Variants in COL11A1 observed in about 807,000 individuals in gnomAD.
The protein encoded by COL11A1 is collagen alpha-1(XI) chain.
COL11A1 carries 74 observed loss-of-function variants against 265.2 expected under a neutral mutation model. The observed-to-expected ratio is 0.28, with a 90% confidence interval of 0.23 to 0.34. The LOEUF (loss-of-function observed/expected upper bound fraction) is 0.34, where lower values mean the gene tolerates loss of function less well. Among genes scored for constraint, COL11A1 ranks in the 10% least tolerant of loss-of-function variants. The pLI is 1.00. For synonymous variants in COL11A1, 816 were observed against 727.6 expected (o/e 1.12, Z -1.96); for missense variants, 2,165 against 2,263.6 (o/e 0.96, Z 0.88).
At chr1:103,015,056 C>A (rs2101901729) in intron 12 of COL11A1, among the ~76,000 whole-genome samples, 1 of 152,104 alleles carries the variant, frequency 6.6e-6, no homozygotes, top group African/African-American at 2.4e-5. Context: ...TTCACCCATT[C>A]TTAAGTACTT....
intron 38 of COL11A1, among the ~76,000 whole-genome samples, chr1:102,963,133 T>C (rs1281021823): frequency 1.3e-5 from 2 of 152,176 alleles, no homozygotes; most frequent in Admixed American, 6.5e-5. Context: ...ATCAGCTTAG[T>C]AGTAAAGAGG....
intron 58 of COL11A1, 23 bp downstream of exon 58, chr1:102,890,428 A>G (rs1306366570): frequency 6.3e-7 from 1 of 1,592,490 alleles, no homozygotes; most frequent in African/African-American, 1.3e-5. Context: ...TCTTTTATTA[A>G]TAACACATTC....
At chr1:103,028,928 A>AT (rs1667770782) in intron 5 of COL11A1, among the ~76,000 whole-genome samples, 1 of 152,112 alleles carries the variant, frequency 6.6e-6, no homozygotes, top group Admixed American at 6.5e-5. Context: ...CTTGATAAGA[A>AT]AATCCCAACT....
chr1:103,102,142 C>T (rs1218226627), intron 1 of COL11A1, among the ~76,000 whole-genome samples: 1 of 151,944 alleles, frequency 6.6e-6, no homozygotes, highest in Non-Finnish European at 1.5e-5. Flanking sequence ...AAAGAATACA[C>T]TTACCTATAT....
intron 7 of COL11A1, 34 bp downstream of exon 7, chr1:103,025,487 G>T: frequency 7.3e-7 from 1 of 1,364,640 alleles, no homozygotes; most frequent in Non-Finnish European, 1.0e-6. Flanking sequence ...TTTAAAAAGT[G>T]GGACTGTGAT....
chr1:102,997,160 A>T, intron 25 of COL11A1, 36 bp from the exon 26 acceptor site: 1 of 1,503,252 alleles, frequency 6.7e-7, no homozygotes, highest in African/African-American at 1.4e-5. Flanking sequence ...ATAAGATGTA[A>T]TATAAACATA....
At chr1:103,080,093 A>G (rs1672285219) in intron 2 of COL11A1, among the ~76,000 whole-genome samples, 1 of 151,960 alleles carries the variant, frequency 6.6e-6, no homozygotes, top group Non-Finnish European at 1.5e-5. Flanking sequence ...TATGTATGGT[A>G]TGTAATAGAA....
chr1:102,889,387 G>GTGTGTGTGTT lies in COL11A1; in HGVS notation c.4464+67_4464+68insAACACACACA, dbSNP rs1651445674. 4.2e-5 allele frequency: 37 copies of GTGTGTGTGTT among 881,166 alleles called. No individual in the cohort carries two copies. The South Asian group carries it at 5.0e-4, about 12-fold the overall frequency. 54.6% of individuals were successfully genotyped at this position (881,166 alleles called of 1,614,324 possible). A position where few individuals can be genotyped will look rare whatever the true frequency, so the allele number is the denominator to read the frequency against. On this transcript the variant is annotated intron_variant, in intron 59 of 66. Transcript: ENST00000370096. ...TCTTTGATCATACTTAAAGGACTGTGTGTGTGTGTGTGTGTGTGTGTGTAT... is the reference window on the plus strand; with the variant it reads ...TCTTTGATCATACTTAAAGGACTGTGTGTGTGTGTTTGTGTGTGTGTGTGTGTGTGTGTAT...
intron 36 of COL11A1, among the ~76,000 whole-genome samples, chr1:102,974,558 T>C (rs1278721863): frequency 1.3e-5 from 2 of 152,268 alleles, no homozygotes; most frequent in African/African-American, 4.8e-5. Context: ...ATTATATTCA[T>C]TGCAGTAAAG....
chr1:103,000,808 C>G (rs77649095), intron 24 of COL11A1, among the ~76,000 whole-genome samples: 2,449 of 152,106 alleles, frequency 0.016, 58 homozygotes, highest in African/African-American at 0.056. Flanking sequence ...CAATTATTCA[C>G]TACAGCACCG....
chr1:102,917,806 T>TA (rs879822682), intron 49 of COL11A1, among the ~76,000 whole-genome samples: 1 of 151,780 alleles, frequency 6.6e-6, no homozygotes, highest in Non-Finnish European at 1.5e-5. Context: ...CTTGAGGTGA[T>TA]AAAAAATTTA....
chr1:103,052,707 T>A (rs1164124597), intron 4 of COL11A1, among the ~76,000 whole-genome samples: 1 of 152,166 alleles, frequency 6.6e-6, no homozygotes, highest in Non-Finnish European at 1.5e-5. Flanking sequence ...AACCCTTTAT[T>A]CTCCCTGATA....
intron 63 of COL11A1, chr1:102,884,309 T>A (rs2101031742): frequency 6.6e-6 from 1 of 152,256 alleles, no homozygotes; most frequent in African/African-American, 2.4e-5. Flanking sequence ...ACTGTTATAG[T>A]AGGTAGTCAG....
intron 10 of COL11A1, among the ~76,000 whole-genome samples, chr1:103,018,343 G>T (rs188287278): frequency 6.6e-6 from 1 of 152,100 alleles, no homozygotes; most frequent in African/African-American, 2.4e-5. Flanking sequence ...AAAAGACAGA[G>T]GATTTATTAC....
At chr1:102,961,715 T>A in intron 41 of COL11A1, 151 bp downstream of exon 41, 1 of 692,906 alleles carries the variant, frequency 1.4e-6, no homozygotes. Context: ...CATTAGTGCA[T>A]GCAATTAGTG....
chr1:103,079,170 C>T (rs960998905), intron 2 of COL11A1, among the ~76,000 whole-genome samples: 4 of 152,134 alleles, frequency 2.6e-5, no homozygotes, highest in African/African-American at 4.8e-5. Flanking sequence ...AACACATAAC[C>T]ACCACTCTTA....
At position 102,878,114 on chromosome 1, in the gene COL11A1, C is replaced by A; in HGVS notation, c.5326G>T (p.Asp1776Tyr). The A allele has an allele frequency of 6.2e-7, 1 of 1,613,256 alleles. No individual in the cohort carries two copies. Among genetic ancestry groups the A allele is most frequent in the South Asian group, 1.1e-5 (1 of 91,030 alleles). Residue 1776 changes from aspartate (D) to tyrosine (Y), a missense_variant, in exon 67 of 67, where the codon GAT becomes TAT. Transcript: ENST00000370096. ...ATGACATCAACAATAGGTACTTGAT[C>A]AATTTTTGGTGTATTGATTTCAATG... ...TVIEINTPKI[D>Y]QVPIVDVMIN...
chr1:103,019,167 G>GT (rs1301842923), intron 9 of COL11A1, among the ~76,000 whole-genome samples: 2 of 151,990 alleles, frequency 1.3e-5, no homozygotes, highest in Non-Finnish European at 2.9e-5. Context: ...ATCTACCAAG[G>GT]TTTTTTATTT....
At chr1:102,884,996 G>A (rs142915473) in intron 63 of COL11A1, among the ~76,000 whole-genome samples, 3,451 of 152,202 alleles carry the variant, frequency 0.023, 66 homozygotes, top group Middle Eastern at 0.034. Flanking sequence ...GTTCTACCCC[G>A]TACCTGGGAG....
Sources: gnomAD v4.1 joint callset for allele counts (sites outside exome capture counted in the v4.1 genomes callset) on GRCh38, gnomAD v4.1.1 for gene constraint, MANE v1.5 for transcripts, NCBI Gene and HGNC (gene_info 2026-07-23, HGNC 2026-07-21) for gene names.